TRIM36: variants seen among roughly 807,000 people sequenced by gnomAD.
TRIM36 encodes the protein E3 ubiquitin-protein ligase TRIM36.
Under a neutral mutation model 72.4 loss-of-function variants are expected in TRIM36, and 42 were observed. The ratio of observed to expected loss-of-function variants is 0.58; its 90% CI spans 0.45 to 0.75. The LOEUF is 0.75. Ranked by LOEUF, TRIM36 falls within the 30% of genes least tolerant of loss-of-function variation. TRIM36 has a pLI of 0.00. For synonymous variants in TRIM36, 315 were observed against 282.8 expected (o/e 1.11, Z -1.14); for missense variants, 913 against 857.1 (o/e 1.07, Z -0.81).
intron 1 of TRIM36, among the ~76,000 whole-genome samples, chr5:115,165,706 C>T (rs1439641146): frequency 1.3e-5 from 2 of 152,172 alleles, no homozygotes; most frequent in East Asian, 3.9e-4. Flanking sequence ...CTTCTCCCTT[C>T]CGAGTTGGTG....
chr5:115,157,017 A>G (rs549358078), intron 2 of TRIM36, among the ~76,000 whole-genome samples: 44 of 152,274 alleles, frequency 2.9e-4, no homozygotes, highest in Non-Finnish European at 3.8e-4. Flanking sequence ...TGAATAGACA[A>G]TTCTCAAAAG....
intron 2 of TRIM36, among the ~76,000 whole-genome samples, chr5:115,158,861 C>G (rs1421264751): frequency 6.6e-6 from 1 of 152,084 alleles, no homozygotes; most frequent in Non-Finnish European, 1.5e-5. Flanking sequence ...AAGAATTACA[C>G]GTGGCTTCTA....
In TRIM36 at chr5:115,132,600, G is replaced by A. The variant is rs549535891; in HGVS notation, c.1498+1260C>T. ...CTAGCAAACTACAGCCATTACCCACGTGTGAGCTGACCATTCTTCCTGCTA... is the reference window on the plus strand; with the variant it reads ...CTAGCAAACTACAGCCATTACCCACATGTGAGCTGACCATTCTTCCTGCTA... On this transcript the variant is annotated intron_variant, in intron 8 of 9. Transcript: ENST00000513154. 4.7e-5 allele frequency among the ~76,000 whole-genome samples: 7 copies of A among 149,808 alleles called. No individual in the cohort carries two copies. In the East Asian group the frequency reaches 5.9e-4, roughly 13 times the overall value.
chr5:115,142,559 T>A (rs1476044366), intron 4 of TRIM36, among the ~76,000 whole-genome samples: 1 of 152,136 alleles, frequency 6.6e-6, no homozygotes, highest in Non-Finnish European at 1.5e-5. Context: ...AGCACCACAC[T>A]CTCTGAGTTT....
intron 8 of TRIM36, among the ~76,000 whole-genome samples, chr5:115,132,817 C>T (rs1364862468): frequency 6.6e-6 from 1 of 152,152 alleles, no homozygotes; most frequent in Non-Finnish European, 1.5e-5. Context: ...CCAGGTTTTT[C>T]TTCCACTTTC....
chr5:115,162,697 T>C (rs962599267), intron 2 of TRIM36, among the ~76,000 whole-genome samples: 18 of 152,074 alleles, frequency 1.2e-4, no homozygotes, highest in African/African-American at 4.1e-4. Flanking sequence ...CCAATGAAGA[T>C]CTACCAGCAG....
Position 115,169,649 on chromosome 5 carries a change from A to T in TRIM36, c.-15T>A. ...TCGCCCTCCATGGCTGCCTTCTGCC[A>T]GGTGTCATCAGCGGCACGTTCCACT... On this transcript the variant is annotated 5_prime_UTR_variant, in exon 1 of 10. Transcript: ENST00000513154. 1 of 1,521,496 alleles carries T rather than the reference A, an allele frequency of 6.6e-7. No homozygotes were observed. Among genetic ancestry groups the T allele is most frequent in the Non-Finnish European group, 8.8e-7 (1 of 1,140,122 alleles). 94.2% of individuals were successfully genotyped at this position (1,521,496 alleles called of 1,614,324 possible).
upstream of TRIM36, chr5:115,171,287 C>T (rs1316009685): frequency 1.3e-6 from 2 of 1,593,730 alleles, no homozygotes; most frequent in African/African-American, 1.3e-5. Context: ...ATGGAATACC[C>T]TCCATTTACA....
chr5:115,154,367 G>GA (rs939300088), intron 2 of TRIM36, among the ~76,000 whole-genome samples: 84 of 141,796 alleles, frequency 5.9e-4, no homozygotes, highest in African/African-American at 1.2e-3. Flanking sequence ...TGAAACAAAT[G>GA]AAAAAAAAAA....
intron 5 of TRIM36, 50 bp downstream of exon 5, chr5:115,141,229 C>G (rs1490358590): frequency 7.8e-7 from 1 of 1,277,614 alleles, no homozygotes; most frequent in Non-Finnish European, 1.1e-6. Flanking sequence ...GAATGAATGT[C>G]TAGATAAAAT....
chr5:115,147,703 C>G (rs3936303), intron 2 of TRIM36, among the ~76,000 whole-genome samples: 79,175 of 151,930 alleles, frequency 0.52, 22,471 homozygotes, highest in African/African-American at 0.75. Context: ...TACTACATGG[C>G]GTTAAGATCT....
rs574923387 is a variant in TRIM36, at chr5:115,163,464, T to C, written c.262+54A>G. 3.4e-6 allele frequency: 5 copies of C among 1,453,564 alleles called. No homozygotes were observed. In the East Asian group the frequency reaches 9.1e-5, roughly 26 times the overall value. The allele number at this position is 1,453,564 out of a possible 1,614,324, so 90.0% of individuals were successfully genotyped here. A position where few individuals can be genotyped will look rare whatever the true frequency, so the allele number is the denominator to read the frequency against. The stretch of plus-strand genomic sequence containing the variant: ...TTTTCCTTCCAGTTACCACTGAATA[T>C]ATATCTATAAGCTTACCCCCACTAC... On this transcript the variant is annotated intron_variant, in intron 2 of 9. Coordinates refer to ENST00000513154, the MANE Select transcript of TRIM36 (RefSeq NM_001300759.2).
rs565903964 is a variant in TRIM36 at position 115,160,677 on chromosome 5, A to G, written c.262+2841T>C. 6.6e-5 allele frequency among the ~76,000 whole-genome samples: 10 copies of G among 152,266 alleles called. No homozygotes were observed. In the South Asian group the frequency reaches 8.3e-4, roughly 13 times the overall value. ...ACAAAGTGAGACCTTCTTCTCCACA[A>G]AAAAAATTTTTTAATTAGCAGGGTG... On this transcript the variant is annotated intron_variant, in intron 2 of 9. Coordinates refer to ENST00000513154, the MANE Select transcript of TRIM36 (RefSeq NM_001300759.2).
intron 2 of TRIM36, chr5:115,148,384 C>T: frequency 7.2e-6 from 7 of 965,790 alleles, no homozygotes; most frequent in Non-Finnish European, 8.6e-6. Context: ...CAGGTGCATG[C>T]ATATCACATT....
At chr5:115,153,123 A>G (rs1427173571) in intron 2 of TRIM36, among the ~76,000 whole-genome samples, 2 of 152,110 alleles carry the variant, frequency 1.3e-5, no homozygotes, top group African/African-American at 2.4e-5. Context: ...CCAACCAACT[A>G]TCTGCTGCCT....
In TRIM36 at chr5:115,157,766, C is replaced by T. The variant is rs184450637; in HGVS notation, c.262+5752G>A. 2.1e-3 allele frequency among the ~76,000 whole-genome samples: 327 copies of T among 152,134 alleles called. 1 individual carries two copies. Among genetic ancestry groups the T allele is most frequent in the African/African-American group, 7.2e-3 (300 of 41,478 alleles). ...AAGAAACTGTGGTATATATACACGA[C>T]GGAATACTACTCAGCCATAAAATGG... On this transcript the variant is annotated intron_variant, in intron 2 of 9. Transcript: ENST00000513154.
intron 6 of TRIM36, 92 bp downstream of exon 6, chr5:115,137,271 A>G: frequency 6.6e-7 from 1 of 1,512,078 alleles, no homozygotes; most frequent in Non-Finnish European, 8.9e-7. Flanking sequence ...TTAACACAGC[A>G]TTATGGACCA....
intron 9 of TRIM36, among the ~76,000 whole-genome samples, chr5:115,129,486 A>G (rs112013974): frequency 6.6e-6 from 1 of 152,322 alleles, no homozygotes; most frequent in African/African-American, 2.4e-5. Context: ...TGAACCCGGG[A>G]GGCAGAGGTT....
intron 2 of TRIM36, among the ~76,000 whole-genome samples, chr5:115,147,705 T>C (rs1296412520): frequency 6.6e-6 from 1 of 152,108 alleles, no homozygotes; most frequent in Non-Finnish European, 1.5e-5. Context: ...CTACATGGCG[T>C]TAAGATCTTT....
Sources: allele counts gnomAD v4.1 joint callset (sites outside exome capture counted in the v4.1 genomes callset), GRCh38; gene constraint gnomAD v4.1.1; transcripts MANE v1.5; gene names NCBI Gene and HGNC (gene_info 2026-07-23, HGNC 2026-07-21).